Variants in NMD3 observed in about 807,000 individuals in gnomAD.
The protein encoded by NMD3 is 60S ribosomal export protein NMD3.
A neutral mutation model predicts 73.1 loss-of-function variants in NMD3; 47 were observed. The ratio of observed to expected loss-of-function variants is 0.64; its 90% CI spans 0.51 to 0.82. The LOEUF is 0.82. Among genes scored for constraint, NMD3 ranks in the 40% least tolerant of loss-of-function variants. The probability of loss-of-function intolerance (pLI) is 0.00; values close to 1 mark genes in which losing one functional copy is unlikely to be tolerated. For synonymous variants in NMD3, 210 were observed against 194.5 expected, an observed-to-expected ratio of 1.08 and a Z score of -0.66; for missense variants, 554 against 612.5, an observed-to-expected ratio of 0.90 and a Z score of 1.01.
At chr3:161,237,538 C>CTTTTTT (rs71628447) in intron 7 of NMD3, among the ~76,000 whole-genome samples, 4 of 108,804 alleles carry the variant, frequency 3.7e-5, no homozygotes, top group South Asian at 3.2e-4. Flanking sequence ...AAATAACTTT[C>CTTTTTT]TTTTTTTTTT....
Position 161,250,979 on chromosome 3 carries a change from C to T in NMD3, c.*69C>T, listed in dbSNP as rs552408100. The stretch of plus-strand genomic sequence containing the variant: ...GACAGAGTTACCTTAAGTGTCTCTA[C>T]TATCTTTGCCTCCAGATTTCAAGAG... On this transcript the variant is annotated 3_prime_UTR_variant, in exon 16 of 16. Coordinates refer to ENST00000351193, the MANE Select transcript of NMD3 (RefSeq NM_015938.5). 6.4e-6 allele frequency: 8 copies of T among 1,246,638 alleles called. No homozygotes were observed. The highest frequency in any genetic ancestry group is 1.5e-5 in the African/African-American group (1 of 66,190). 77.2% of individuals were successfully genotyped at this position (1,246,638 alleles called of 1,614,324 possible).
At chr3:161,233,369 AC>A (rs756861715) in intron 4 of NMD3, 29 bp from the exon 5 acceptor site, 7 of 1,529,108 alleles carry the variant, frequency 4.6e-6, no homozygotes, top group Non-Finnish European at 6.3e-6. Context: ...GTGAGAACTT[AC>A]GTTTCTTTTT....
intron 13 of NMD3, among the ~76,000 whole-genome samples, chr3:161,248,366 T>C (rs1737341088): frequency 6.6e-6 from 1 of 152,014 alleles, no homozygotes; most frequent in Non-Finnish European, 1.5e-5. Flanking sequence ...GGCATGCACC[T>C]GTAGTCCCAG....
chr3:161,236,868 A>G (rs1227198673), intron 7 of NMD3, among the ~76,000 whole-genome samples: 2 of 152,136 alleles, frequency 1.3e-5, no homozygotes, highest in African/African-American at 4.8e-5. Flanking sequence ...CTGTAAATGT[A>G]ATGGTTTATT....
intron 2 of NMD3, among the ~76,000 whole-genome samples, chr3:161,223,376 C>T (rs1334150633): frequency 6.6e-5 from 10 of 152,208 alleles, no homozygotes; most frequent in Non-Finnish European, 1.5e-5. Flanking sequence ...GCCCCCAGTA[C>T]ATCTCGAATT....
At chr3:161,226,389 A>G (rs892549372) in intron 3 of NMD3, among the ~76,000 whole-genome samples, 3 of 145,158 alleles carry the variant, frequency 2.1e-5, no homozygotes, top group East Asian at 2.1e-4. Context: ...CAGAGGTTGC[A>G]GTGAGCCGAG....
At chr3:161,247,749 G>A (rs1172293840) in intron 13 of NMD3, among the ~76,000 whole-genome samples, 3 of 148,820 alleles carry the variant, frequency 2.0e-5, no homozygotes, top group Non-Finnish European at 3.0e-5. Context: ...AGATTGCGCC[G>A]TTGCACTCCA....
At position 161,225,052 on chromosome 3, in the gene NMD3, A is replaced by C; in HGVS notation, c.167A>C (p.Lys56Thr). ...AAACAAGTCTCGATTTCGTTCTGCAAACAATGTCAAAGGTACAGTGCGGTA... is the reference window on the plus strand; with the variant it reads ...AAACAAGTCTCGATTTCGTTCTGCACACAATGTCAAAGGTACAGTGCGGTA... ...IPKQVSISFC[K>T]QCQRYFQPPG... The change falls in exon 3 of 16, where the codon AAA becomes ACA. Residue 56 changes from lysine to threonine, a missense_variant. Coordinates refer to ENST00000351193, the MANE Select transcript of NMD3 (RefSeq NM_015938.5). 1 of 1,613,826 alleles carries C rather than the reference A, an allele frequency of 6.2e-7. No homozygotes were observed. The highest frequency in any genetic ancestry group is 1.1e-5 in the South Asian group (1 of 91,020).
chr3:161,249,319 G>A (rs1437246758), intron 13 of NMD3, 135 bp from the exon 14 acceptor site: 6 of 521,736 alleles, frequency 1.2e-5, no homozygotes, highest in Admixed American at 1.1e-4. Context: ...TCTTGACACT[G>A]TCTCTCCATC....
intron 7 of NMD3, among the ~76,000 whole-genome samples, chr3:161,237,199 A>T (rs559616461): frequency 6.6e-6 from 1 of 152,232 alleles, no homozygotes; most frequent in South Asian, 2.1e-4. Context: ...GATTTATTGA[A>T]ATTCTTTTTC....
intron 4 of NMD3, 83 bp from the exon 5 acceptor site, chr3:161,233,316 T>C: frequency 2.3e-6 from 2 of 854,932 alleles, no homozygotes; most frequent in Non-Finnish European, 3.8e-6. Context: ...TTATGAAATC[T>C]GCTTATTGAT....
At chr3:161,239,658 TAGGATTTGCACCC>T (rs1736896453) in intron 9 of NMD3, among the ~76,000 whole-genome samples, 1 of 152,214 alleles carries the variant, frequency 6.6e-6, no homozygotes, top group Non-Finnish European at 1.5e-5. Flanking sequence ...ATGATGAAGC[TAGGATTTGCACCC>T]AGGTCTGTGT....
At chr3:161,235,866 A>G (rs151172084) in intron 7 of NMD3, among the ~76,000 whole-genome samples, 4 of 152,150 alleles carry the variant, frequency 2.6e-5, no homozygotes, top group East Asian at 1.9e-4. Context: ...TGTCCTCTCT[A>G]TTGTTCCTAA....
chr3:161,236,323 T>A (rs958197993), intron 7 of NMD3, among the ~76,000 whole-genome samples: 30 of 152,258 alleles, frequency 2.0e-4, no homozygotes, highest in African/African-American at 7.2e-4. Context: ...GCCGCCAATA[T>A]TTCTCTGTAT....
In NMD3 at chr3:161,221,992, A is replaced by AT; in HGVS notation, c.-20-2_-20-1insT. The AT allele has an allele frequency of 7.8e-7, 1 of 1,289,724 alleles. No individual in the cohort carries two copies. 79.9% of individuals were successfully genotyped at this position (1,289,724 alleles called of 1,614,324 possible). On this transcript the variant is annotated splice_acceptor_variant, in intron 1 of 15. Coordinates refer to ENST00000351193, the MANE Select transcript of NMD3 (RefSeq NM_015938.5). LOFTEE classifies it low-confidence loss of function (5UTR_SPLICE). ...TTTTTTTTTTTTTTTTTTTTTTAAA[A>AT]GAACTTAAGGCATACAGAACGATGG...
At chr3:161,225,905 T>C (rs988661640) in intron 3 of NMD3, among the ~76,000 whole-genome samples, 22 of 152,034 alleles carry the variant, frequency 1.4e-4, no homozygotes, top group African/African-American at 5.3e-4. Context: ...CACATGAAAC[T>C]GTGTACTGTT....
Position 161,226,459 on chromosome 3 carries a change from G to GA in NMD3, c.180-779dup, listed in dbSNP as rs572693118. ...GAGACTCTGTCTCAAAAGAAAAAAG[G>GA]AAAAAAAAATACGAAATAAATATGT... On this transcript the variant is annotated intron_variant, in intron 3 of 15. Transcript: ENST00000351193. Among the ~76,000 whole-genome samples the GA allele has an allele frequency of 4.8e-4, 72 of 150,426 alleles. 1 individual carries two copies. In the South Asian group the frequency reaches 0.013, roughly 27 times the overall value.
chr3:161,227,369 T>C, intron 4 of NMD3, 26 bp downstream of exon 4: 1 of 1,353,456 alleles, frequency 7.4e-7, no homozygotes, highest in South Asian at 1.2e-5. Flanking sequence ...AAAATCAGTA[T>C]TCATAGGTAT....
chr3:161,246,534 T>G, intron 12 of NMD3, 86 bp downstream of exon 12: 1 of 521,270 alleles, frequency 1.9e-6, no homozygotes, highest in Non-Finnish European at 3.5e-6. Flanking sequence ...AATACTAACA[T>G]TGTTTATTCT....
Sources: gnomAD v4.1 joint callset for allele counts (sites outside exome capture counted in the v4.1 genomes callset) on GRCh38, gnomAD v4.1.1 for gene constraint, MANE v1.5 for transcripts, NCBI Gene and HGNC (gene_info 2026-07-23, HGNC 2026-07-21) for gene names.